Variants in TAFA5 observed in about 807,000 individuals in gnomAD.
The protein encoded by TAFA5 is chemokine-like protein TAFA-5.
TAFA5 carries 6 observed loss-of-function variants against 15.3 expected under a neutral mutation model. The ratio of observed to expected loss-of-function variants is 0.39; its 90% CI spans 0.21 to 0.77. The LOEUF is 0.77. Among genes scored for constraint, TAFA5 ranks in the 30% least tolerant of loss-of-function variants. The probability of loss-of-function intolerance (pLI) is 0.41; values close to 1 mark genes in which losing one functional copy is unlikely to be tolerated. For synonymous variants in TAFA5, 103 were observed against 80.7 expected, an observed-to-expected ratio of 1.28 and a Z score of -1.48; for missense variants, 161 against 193.1, an observed-to-expected ratio of 0.83 and a Z score of 0.98.
chr22:48,498,263 T>A (rs1382235860), intron 1 of TAFA5, among the ~76,000 whole-genome samples: 1 of 31,496 alleles, frequency 3.2e-5, no homozygotes, highest in African/African-American at 1.6e-4. Flanking sequence ...GGCTGAAGAG[T>A]GGGGTGGGGC....
chr22:48,680,540 A>G (rs1207687160), intron 2 of TAFA5, among the ~76,000 whole-genome samples: 1 of 152,014 alleles, frequency 6.6e-6, no homozygotes, highest in Non-Finnish European at 1.5e-5. Flanking sequence ...GCACCCACAA[A>G]CACAGAGGAT....
intron 1 of TAFA5, among the ~76,000 whole-genome samples, chr22:48,632,177 C>G (rs1014297473): frequency 6.6e-6 from 1 of 152,190 alleles, no homozygotes; most frequent in Non-Finnish European, 1.5e-5. Flanking sequence ...CCCACACATG[C>G]AGCTTCCCGG....
At chr22:48,515,329 C>T (rs1286087449) in intron 1 of TAFA5, among the ~76,000 whole-genome samples, 1 of 152,222 alleles carries the variant, frequency 6.6e-6, no homozygotes, top group Non-Finnish European at 1.5e-5. Context: ...GCGCAGGCAG[C>T]GTCCTCTCAG....
chr22:48,728,621 G>A (rs1408709719), intron 3 of TAFA5, among the ~76,000 whole-genome samples: 2 of 152,104 alleles, frequency 1.3e-5, no homozygotes, highest in Admixed American at 1.3e-4. Context: ...AATAACACAC[G>A]GTATTTTTGC....
intron 1 of TAFA5, among the ~76,000 whole-genome samples, chr22:48,638,329 G>C: frequency 1.2e-5 from 1 of 81,586 alleles, no homozygotes; most frequent in Non-Finnish European, 2.2e-5. Flanking sequence ...CACACACTAA[G>C]CCCTGGGCCA....
intron 1 of TAFA5, among the ~76,000 whole-genome samples, chr22:48,627,010 G>A (rs2147186345): frequency 6.6e-6 from 1 of 152,296 alleles, no homozygotes; most frequent in South Asian, 2.1e-4. Flanking sequence ...TTGGAAGGAT[G>A]GCCGCGGGGC....
chr22:48,654,508 T>C (rs1927168413), intron 2 of TAFA5, among the ~76,000 whole-genome samples: 1 of 152,180 alleles, frequency 6.6e-6, no homozygotes, highest in Non-Finnish European at 1.5e-5. Context: ...CTCCGTGTGA[T>C]TCGGGGACAG....
At chr22:48,713,256 C>T (rs1055915975) in intron 3 of TAFA5, among the ~76,000 whole-genome samples, 5 of 152,202 alleles carry the variant, frequency 3.3e-5, no homozygotes, top group Admixed American at 6.5e-5. Context: ...ATTTGCCCAA[C>T]GTGAGAGATT....
intron 3 of TAFA5, among the ~76,000 whole-genome samples, chr22:48,711,324 A>G (rs1929246367): frequency 6.6e-6 from 1 of 151,172 alleles, no homozygotes; most frequent in African/African-American, 2.4e-5. Context: ...TCATGTTGCT[A>G]TGGCGGGGGC....
chr22:48,645,112 G>T (rs936082251), intron 1 of TAFA5, among the ~76,000 whole-genome samples: 1 of 152,262 alleles, frequency 6.6e-6, no homozygotes, highest in Non-Finnish European at 1.5e-5. Context: ...GTGAGGCAGC[G>T]AGTAAGTAGA....
At chr22:48,624,984 G>A (rs942247186) in intron 1 of TAFA5, among the ~76,000 whole-genome samples, 4 of 151,976 alleles carry the variant, frequency 2.6e-5, no homozygotes, top group Non-Finnish European at 4.4e-5. Context: ...GTGTGGTGGC[G>A]GGCACCTGTA....
At chr22:48,733,543 G>A (rs921155343) in intron 3 of TAFA5, among the ~76,000 whole-genome samples, 1 of 152,226 alleles carries the variant, frequency 6.6e-6, no homozygotes, top group South Asian at 2.1e-4. Flanking sequence ...AGAAAATAAC[G>A]ATCCTTGTTA....
intron 2 of TAFA5, among the ~76,000 whole-genome samples, chr22:48,680,486 G>T (rs575721013): frequency 1.4e-5 from 1 of 72,858 alleles, no homozygotes; most frequent in Admixed American, 1.0e-4. Context: ...GGGCTAAGAG[G>T]TGACGGCAGC....
At chr22:48,617,117 C>T (rs1045788260) in intron 1 of TAFA5, among the ~76,000 whole-genome samples, 3 of 152,140 alleles carry the variant, frequency 2.0e-5, no homozygotes, top group African/African-American at 7.2e-5. Flanking sequence ...CTGGAACCTG[C>T]GGATGTGTCA....
chr22:48,633,514 CTG>C lies in TAFA5; in HGVS notation c.113-13081_113-13080del, dbSNP rs1456475040. On this transcript the variant is annotated intron_variant, in intron 1 of 3. Transcript: ENST00000402357. ...GCTCTGTGTCTGTCTGTCTGTCTGT[CTG>C]TCTGTCTGTCTGTCTGTCTCTCCCT... 9.3e-3 allele frequency among the ~76,000 whole-genome samples: 688 copies of C among 73,794 alleles called. 13 individuals carry two copies. Among genetic ancestry groups the C allele is most frequent in the African/African-American group, 0.034 (645 of 18,842 alleles). The allele number at this position is 73,794 out of a possible 152,430, so 48.4% of individuals were successfully genotyped here.
In TAFA5 at chr22:48,683,056, G is replaced by C. The variant is rs79087449; in HGVS notation, c.263-24661G>C. On this transcript the variant is annotated intron_variant, in intron 2 of 3. Coordinates refer to ENST00000402357, the MANE Select transcript of TAFA5 (RefSeq NM_001082967.3). ...TGTTCATGGAAACAGCTCCTTGCTT[G>C]CTTTCCACACTTACCTTCCGTTGAC... Among the ~76,000 whole-genome samples, 956 of 152,182 alleles carry C rather than the reference G, an allele frequency of 6.3e-3. 15 individuals are homozygous for C. The highest frequency in any genetic ancestry group is 0.021 in the African/African-American group (870 of 41,474).
At chr22:48,517,629 C>T (rs1601844468) in intron 1 of TAFA5, among the ~76,000 whole-genome samples, 1 of 152,220 alleles carries the variant, frequency 6.6e-6, no homozygotes, top group Non-Finnish European at 1.5e-5. Flanking sequence ...CCCGCCGGGC[C>T]CTGGGCCACC....
chr22:48,592,126 G>C (rs1924591745), intron 1 of TAFA5, among the ~76,000 whole-genome samples: 1 of 152,218 alleles, frequency 6.6e-6, no homozygotes, highest in Non-Finnish European at 1.5e-5. Flanking sequence ...GCCTGGGCCT[G>C]AGCCACGGGT....
intron 1 of TAFA5, among the ~76,000 whole-genome samples, chr22:48,507,038 C>T (rs116561826): frequency 1.4e-4 from 21 of 152,262 alleles, no homozygotes; most frequent in Middle Eastern, 3.4e-3. Context: ...AGGGGACAGC[C>T]GCCAAGAGCC....
Sources: gnomAD v4.1 joint callset for allele counts (sites outside exome capture counted in the v4.1 genomes callset) on GRCh38, gnomAD v4.1.1 for gene constraint, MANE v1.5 for transcripts, NCBI Gene and HGNC (gene_info 2026-07-23, HGNC 2026-07-21) for gene names.